Variants in SMOC2 observed in about 807,000 individuals in gnomAD.
The protein encoded by SMOC2 is SPARC related modular calcium binding 2.
In SMOC2, 39 loss-of-function variants were observed where a neutral mutation model predicts 61.4. The ratio of observed to expected loss-of-function variants is 0.64; its 90% CI spans 0.49 to 0.83. The LOEUF (loss-of-function observed/expected upper bound fraction) is 0.83, where lower values mean the gene tolerates loss of function less well. Among genes scored for constraint, SMOC2 ranks in the 40% least tolerant of loss-of-function variants. The pLI is 0.00. For missense variants in SMOC2, 556 were observed against 592.9 expected (o/e 0.94, Z 0.65); for synonymous variants, 247 against 239.9 (o/e 1.03, Z -0.27).
intron 9 of SMOC2, among the ~76,000 whole-genome samples, chr6:168,609,049 C>A (rs779269538): frequency 6.6e-6 from 1 of 152,156 alleles, no homozygotes; most frequent in African/African-American, 2.4e-5. Flanking sequence ...TAAAGATGTT[C>A]GGCTTATAAA....
chr6:168,456,222 G>A (rs1024151713), intron 1 of SMOC2, among the ~76,000 whole-genome samples: 1 of 152,238 alleles, frequency 6.6e-6, no homozygotes, highest in Admixed American at 6.5e-5. Flanking sequence ...CACACACATC[G>A]TTCCCTAATG....
chr6:168,457,251 A>G (rs559629344), intron 1 of SMOC2, among the ~76,000 whole-genome samples: 2 of 152,314 alleles, frequency 1.3e-5, no homozygotes, highest in Admixed American at 6.5e-5. Context: ...TGCAGCTTCC[A>G]GTGAGTGCCA....
rs117938511 is a variant in SMOC2, at chr6:168,648,291, G to A, written c.908-2390G>A. On this transcript the variant is annotated intron_variant, in intron 9 of 12. Transcript: ENST00000356284. ...GCAGGCAGGTGCCCGAGGTCCTGTGGGTCCCAGCCTCACCTGCCCCGGCGC... is the reference window on the plus strand; with the variant it reads ...GCAGGCAGGTGCCCGAGGTCCTGTGAGTCCCAGCCTCACCTGCCCCGGCGC... 9.1e-4 allele frequency among the ~76,000 whole-genome samples: 139 copies of A among 152,354 alleles called. 3 individuals are homozygous for A. The East Asian group carries it at 0.023, about 25-fold the overall frequency.
At chr6:168,629,276 C>T (rs1786502587) in intron 9 of SMOC2, among the ~76,000 whole-genome samples, 1 of 152,226 alleles carries the variant, frequency 6.6e-6, no homozygotes, top group Non-Finnish European at 1.5e-5. Context: ...TCCTCATCGC[C>T]CCCAAGTGCC....
intron 2 of SMOC2, among the ~76,000 whole-genome samples, chr6:168,511,409 A>G (rs1783004913): frequency 1.3e-5 from 2 of 152,192 alleles, no homozygotes; most frequent in African/African-American, 4.8e-5. Flanking sequence ...AAAAAAGCCC[A>G]CTATAAAACC....
chr6:168,622,111 G>A (rs1022078014), intron 9 of SMOC2, among the ~76,000 whole-genome samples: 7 of 151,966 alleles, frequency 4.6e-5, no homozygotes, highest in South Asian at 2.1e-4. Context: ...GACTACAGGC[G>A]CCTGCCACCA....
At chr6:168,562,324 A>G (rs1366784550) in intron 7 of SMOC2, among the ~76,000 whole-genome samples, 6 of 135,398 alleles carry the variant, frequency 4.4e-5, no homozygotes, top group Non-Finnish European at 9.5e-5. Context: ...GCCCTGAGAC[A>G]CGAGGCTCTC....
At chr6:168,617,895 C>T (rs143019088) in intron 9 of SMOC2, among the ~76,000 whole-genome samples, 16 of 152,168 alleles carry the variant, frequency 1.1e-4, no homozygotes, top group East Asian at 1.9e-4. Flanking sequence ...AGGCGGGGGT[C>T]GCGTCCAGCG....
At chr6:168,558,953 G>A (rs974168884) in intron 7 of SMOC2, among the ~76,000 whole-genome samples, 3 of 152,114 alleles carry the variant, frequency 2.0e-5, no homozygotes, top group African/African-American at 7.2e-5. Flanking sequence ...GCATGCGTGT[G>A]CATGTGTGTG....
chr6:168,597,319 A>T (rs1785359238), intron 7 of SMOC2, among the ~76,000 whole-genome samples: 1 of 152,240 alleles, frequency 6.6e-6, no homozygotes. Context: ...AGATATGCTA[A>T]AATCAGGGTG....
chr6:168,563,572 T>G (rs1784473744), intron 7 of SMOC2, among the ~76,000 whole-genome samples: 1 of 151,958 alleles, frequency 6.6e-6, no homozygotes, highest in South Asian at 2.1e-4. Context: ...ACCCCCAGGG[T>G]GATGGTGTTA....
intron 9 of SMOC2, among the ~76,000 whole-genome samples, chr6:168,625,304 C>G (rs898514179): frequency 6.6e-6 from 1 of 152,222 alleles, no homozygotes; most frequent in Non-Finnish European, 1.5e-5. Context: ...AGTCCCCTTC[C>G]TGGAGCCTGC....
chr6:168,513,478 C>A (rs201227170), intron 2 of SMOC2, among the ~76,000 whole-genome samples: 1 of 5,528 alleles, frequency 1.8e-4, no homozygotes, highest in Admixed American at 4.5e-3. Flanking sequence ...CACACACACA[C>A]ATACATACAC....
chr6:168,467,951 A>G (rs894534282), intron 1 of SMOC2, among the ~76,000 whole-genome samples: 2 of 152,238 alleles, frequency 1.3e-5, no homozygotes, highest in South Asian at 2.1e-4. Context: ...ATAGTTTTGT[A>G]TACTATAAAA....
intron 9 of SMOC2, among the ~76,000 whole-genome samples, chr6:168,616,331 C>T (rs893217284): frequency 1.3e-5 from 2 of 152,244 alleles, no homozygotes; most frequent in Admixed American, 1.3e-4. Context: ...CCAGAACCAG[C>T]TGCTCAGGGC....
intron 9 of SMOC2, among the ~76,000 whole-genome samples, chr6:168,618,833 C>T (rs1352999392): frequency 2.0e-5 from 3 of 152,218 alleles, no homozygotes; most frequent in Non-Finnish European, 4.4e-5. Flanking sequence ...CACGGGCATC[C>T]GGTCTGGGAG....
At chr6:168,574,430 T>C (rs180900495) in intron 7 of SMOC2, among the ~76,000 whole-genome samples, 8 of 151,902 alleles carry the variant, frequency 5.3e-5, no homozygotes, top group Admixed American at 3.9e-4. Flanking sequence ...AGGGGAGAGG[T>C]CGCCTGAAGC....
At chr6:168,472,759 A>C (rs1443231718) in intron 1 of SMOC2, among the ~76,000 whole-genome samples, 1 of 152,152 alleles carries the variant, frequency 6.6e-6, no homozygotes, top group Admixed American at 6.5e-5. Context: ...ATTGCAGAAG[A>C]AAGTTAGATT....
intron 4 of SMOC2, among the ~76,000 whole-genome samples, chr6:168,542,612 C>G (rs1010390025): frequency 6.6e-6 from 1 of 151,940 alleles, no homozygotes; most frequent in Admixed American, 6.6e-5. Flanking sequence ...TCATAGGAAC[C>G]GTTGACATGT....
Sources: allele counts gnomAD v4.1 joint callset (sites outside exome capture counted in the v4.1 genomes callset), GRCh38; gene constraint gnomAD v4.1.1; transcripts MANE v1.5; gene names NCBI Gene and HGNC (gene_info 2026-07-23, HGNC 2026-07-21).